NOL4: variants seen among roughly 807,000 people sequenced by gnomAD.
NOL4 encodes cancer/testis antigen 125.
Under a neutral mutation model 75.9 loss-of-function variants are expected in NOL4, and 17 were observed. That is an observed-to-expected ratio of 0.22 (90% CI 0.15 to 0.34). The LOEUF (loss-of-function observed/expected upper bound fraction) is 0.34, where lower values mean the gene tolerates loss of function less well. Ranked by LOEUF, NOL4 falls within the 10% of genes least tolerant of loss-of-function variation. The probability of loss-of-function intolerance (pLI) is 1.00; values close to 1 mark genes in which losing one functional copy is unlikely to be tolerated. For synonymous variants in NOL4, 292 were observed against 289.9 expected (o/e 1.01, Z -0.07); for missense variants, 614 against 793.5 (o/e 0.77, Z 2.72).
chr18:34,046,611 T>TATATATATATATATATAG, intron 5 of NOL4, among the ~76,000 whole-genome samples: 1 of 99,710 alleles, frequency 1.0e-5, no homozygotes, highest in African/African-American at 3.5e-5. Context: ...CTTATACATA[T>TATATATATATATATATAG]ATATATATAT....
chr18:33,914,440 T>C (rs2066593832), intron 9 of NOL4, among the ~76,000 whole-genome samples: 1 of 152,066 alleles, frequency 6.6e-6, no homozygotes, highest in Non-Finnish European at 1.5e-5. Flanking sequence ...TCTCTCTTAA[T>C]AAGATGGAAA....
At chr18:33,913,317 T>C (rs1340167018) in intron 9 of NOL4, among the ~76,000 whole-genome samples, 1 of 152,132 alleles carries the variant, frequency 6.6e-6, no homozygotes, top group African/African-American at 2.4e-5. Flanking sequence ...AATTTAAATA[T>C]TGAGTAACAA....
chr18:34,007,257 G>A (rs1318430324), intron 6 of NOL4, among the ~76,000 whole-genome samples: 5 of 152,018 alleles, frequency 3.3e-5, no homozygotes, highest in African/African-American at 1.2e-4. Context: ...GGAAGAGTAT[G>A]TTTGGAATAC....
chr18:33,974,623 C>A (rs1215080520), intron 6 of NOL4, among the ~76,000 whole-genome samples: 1 of 151,874 alleles, frequency 6.6e-6, no homozygotes, highest in Non-Finnish European at 1.5e-5. Context: ...GTAACAGATA[C>A]AATAATAATG....
chr18:33,915,662 A>G (rs2066676849), intron 9 of NOL4, among the ~76,000 whole-genome samples: 1 of 152,156 alleles, frequency 6.6e-6, no homozygotes, highest in Non-Finnish European at 1.5e-5. Context: ...TAAATATATG[A>G]AGAACTGTCT....
chr18:34,109,059 T>A (rs2079457325), intron 2 of NOL4, among the ~76,000 whole-genome samples: 1 of 151,994 alleles, frequency 6.6e-6, no homozygotes, highest in African/African-American at 2.4e-5. Flanking sequence ...AATTTACAAA[T>A]ATGTGAAAAT....
At chr18:34,057,607 C>G (rs1464993359) in intron 5 of NOL4, among the ~76,000 whole-genome samples, 1 of 152,088 alleles carries the variant, frequency 6.6e-6, no homozygotes, top group African/African-American at 2.4e-5. Flanking sequence ...TAATAAGTAA[C>G]AGTATCTATT....
chr18:33,951,304 A>G (rs534281614), intron 8 of NOL4, among the ~76,000 whole-genome samples: 1 of 152,262 alleles, frequency 6.6e-6, no homozygotes, highest in Non-Finnish European at 1.5e-5. Flanking sequence ...AATTAAAAGT[A>G]GTTTCTCTTG....
At chr18:34,089,998 G>T (rs990161113) in intron 5 of NOL4, among the ~76,000 whole-genome samples, 9 of 151,988 alleles carry the variant, frequency 5.9e-5, no homozygotes, top group African/African-American at 2.2e-4. Flanking sequence ...GAAAGGTAAT[G>T]TTAGACAAAT....
chr18:34,199,710 T>C (rs752115854), intron 1 of NOL4, among the ~76,000 whole-genome samples: 4 of 151,896 alleles, frequency 2.6e-5, no homozygotes, highest in African/African-American at 7.2e-5. Context: ...AACTAAAGAT[T>C]TGAATATCCT....
At chr18:34,055,039 TACTCCTTA>T (rs2076777863) in intron 5 of NOL4, among the ~76,000 whole-genome samples, 2 of 150,784 alleles carry the variant, frequency 1.3e-5, no homozygotes, top group Admixed American at 6.6e-5. Flanking sequence ...CAACTTACTC[TACTCCTTA>T]TTGTCCCTAC....
At position 34,077,415 on chromosome 18, in the gene NOL4, A is replaced by T. The variant is rs562707522; in HGVS notation, c.772+16050T>A. On this transcript the variant is annotated intron_variant, in intron 5 of 10. Transcript: ENST00000261592. ...TTTACTAATGCTTTCATATATCTAC[A>T]TATATATAGATATATACACATATAT... 6.0e-4 allele frequency among the ~76,000 whole-genome samples: 92 copies of T among 152,254 alleles called. No individual in the cohort carries two copies. In the Middle Eastern group the frequency reaches 0.02, roughly 34 times the overall value.
In NOL4 at chr18:34,190,310, C is replaced by T. The variant is rs935641616; in HGVS notation, c.264+32680G>A. Among the ~76,000 whole-genome samples, 12 of 151,818 alleles carry T rather than the reference C, an allele frequency of 7.9e-5. 1 individual carries two copies. The highest frequency in any genetic ancestry group is 6.2e-4 in the South Asian group (3 of 4,824). On this transcript the variant is annotated intron_variant, in intron 1 of 10. Coordinates refer to ENST00000261592, the MANE Select transcript of NOL4 (RefSeq NM_003787.5). The stretch of plus-strand genomic sequence containing the variant: ...TGGCTAGAGGCCATCTGTAACAGAT[C>T]GCATGCAAATAAAAGCTTGGAATAT...
intron 9 of NOL4, among the ~76,000 whole-genome samples, chr18:33,926,746 G>A (rs1342028745): frequency 2.6e-5 from 4 of 152,028 alleles, no homozygotes; most frequent in South Asian, 2.1e-4. Context: ...GATTAGAGGC[G>A]CCCACCACCA....
At chr18:34,021,713 C>T (rs1488085783) in intron 5 of NOL4, among the ~76,000 whole-genome samples, 1 of 151,868 alleles carries the variant, frequency 6.6e-6, no homozygotes, top group African/African-American at 2.4e-5. Context: ...GAAGCAGTGG[C>T]AATGCAGAAA....
chr18:33,964,468 AAAG>A (rs2145805840), intron 6 of NOL4, among the ~76,000 whole-genome samples: 1 of 152,016 alleles, frequency 6.6e-6, no homozygotes, highest in South Asian at 2.1e-4. Flanking sequence ...AAAGGAAAAC[AAAG>A]AAAAGAAAGA....
intron 10 of NOL4, among the ~76,000 whole-genome samples, chr18:33,873,945 A>C (rs1377574549): frequency 6.6e-6 from 1 of 151,982 alleles, no homozygotes; most frequent in Non-Finnish European, 1.5e-5. Context: ...GATATGAGTC[A>C]GATGCAAGGG....
chr18:34,127,794 C>T (rs2080453594), intron 2 of NOL4, among the ~76,000 whole-genome samples: 1 of 151,798 alleles, frequency 6.6e-6, no homozygotes, highest in Non-Finnish European at 1.5e-5. Flanking sequence ...GGAAATGTTT[C>T]CCAATTAGAA....
chr18:34,146,727 G>A (rs1348754667), intron 1 of NOL4, among the ~76,000 whole-genome samples: 1 of 151,254 alleles, frequency 6.6e-6, no homozygotes, highest in Admixed American at 6.6e-5. Context: ...GAAATTTAAA[G>A]TAGTTTTTTT....
Sources: allele counts gnomAD v4.1 joint callset (sites outside exome capture counted in the v4.1 genomes callset), GRCh38; gene constraint gnomAD v4.1.1; transcripts MANE v1.5; gene names NCBI Gene and HGNC (gene_info 2026-07-23, HGNC 2026-07-21).